Variants in PPEF1 observed in about 807,000 individuals in gnomAD.
PPEF1 encodes the protein protein phosphatase with EF-hand domain 1.
Under a neutral mutation model 53.3 loss-of-function variants are expected in PPEF1, and 12 were observed. That is an observed-to-expected ratio of 0.23 (90% CI 0.14 to 0.36). The LOEUF is 0.36. Among genes scored for constraint, PPEF1 ranks in the 10% least tolerant of loss-of-function variants. The pLI is 1.00. For missense variants in PPEF1, 334 were observed against 490.4 expected, an observed-to-expected ratio of 0.68 and a Z score of 3.01; for synonymous variants, 165 against 176.7, an observed-to-expected ratio of 0.93 and a Z score of 0.52.
At chrX:18,777,483 T>C (rs937113125) in intron 6 of PPEF1, among the ~76,000 whole-genome samples, 7 of 112,158 alleles carry the variant, frequency 6.2e-5, no homozygotes, top group Non-Finnish European at 1.3e-4. Flanking sequence ...AAGGTAGCCA[T>C]TTTGTTTTTC....
At chrX:18,783,859 C>T in intron 8 of PPEF1, 40 bp from the exon 9 acceptor site, 2 of 1,175,033 alleles carry the variant, frequency 1.7e-6, no homozygotes, top group Non-Finnish European at 2.3e-6. Flanking sequence ...TAAACTGAAC[C>T]TGTCAGAAAA....
At chrX:18,798,642 G>C (rs2046481034) in intron 10 of PPEF1, among the ~76,000 whole-genome samples, 1 of 110,087 alleles carries the variant, frequency 9.1e-6, no homozygotes, top group Admixed American at 9.7e-5. Context: ...CTTTTTTTTT[G>C]AGATGGAGTC....
chrX:18,821,502 G>A (rs1431749106), intron 13 of PPEF1, among the ~76,000 whole-genome samples: 2 of 110,974 alleles, frequency 1.8e-5, no homozygotes, highest in Non-Finnish European at 3.8e-5. Flanking sequence ...CCGCCTACCA[G>A]GTTAAAGCAA....
chrX:18,717,470 C>T (rs946322778), intron 1 of PPEF1, among the ~76,000 whole-genome samples: 22 of 110,116 alleles, frequency 2.0e-4, no homozygotes, highest in Non-Finnish European at 3.4e-4. Context: ...CAGTTCCTCT[C>T]GTCTCTCTCC....
chrX:18,826,485 A>G (rs1423657067), intron 15 of PPEF1, among the ~76,000 whole-genome samples: 10 of 83,783 alleles, frequency 1.2e-4, no homozygotes, highest in Admixed American at 1.7e-4. Context: ...CTGGAGTGCA[A>G]TGGCGGGATC....
intron 6 of PPEF1, among the ~76,000 whole-genome samples, chrX:18,701,396 C>T (rs1930109040): frequency 8.9e-6 from 1 of 112,354 alleles, no homozygotes; most frequent in South Asian, 3.7e-4. Context: ...CATGGCCCCT[C>T]CTAACTCATC....
intron 12 of PPEF1, among the ~76,000 whole-genome samples, chrX:18,813,447 G>C (rs1171759883): frequency 9.2e-6 from 1 of 108,753 alleles, no homozygotes; most frequent in Non-Finnish European, 1.9e-5. Flanking sequence ...TAACTTGTTA[G>C]TTTTAATCTT....
chrX:18,683,739 G>T, intron 1 of PPEF1, among the ~76,000 whole-genome samples: 1 of 111,677 alleles, frequency 9.0e-6, no homozygotes, highest in Non-Finnish European at 1.9e-5. Flanking sequence ...CCCCCCTTTT[G>T]CCCATAGTTC....
At chrX:18,725,097 C>T (rs962418990) in intron 1 of PPEF1, among the ~76,000 whole-genome samples, 10 of 110,892 alleles carry the variant, frequency 9.0e-5, no homozygotes, top group African/African-American at 3.3e-4. Flanking sequence ...CTAATGACGG[C>T]GTGCGTTGGA....
intron 3 of PPEF1, among the ~76,000 whole-genome samples, chrX:18,743,607 G>A (rs1420462731): frequency 3.7e-5 from 4 of 108,323 alleles, no homozygotes; most frequent in East Asian, 2.9e-4. Flanking sequence ...GTGCCACCAC[G>A]CCTGGCTAAT....
In PPEF1 at chrX:18,789,239, C is replaced by T. The variant is rs1920294992; in HGVS notation, c.1031C>T (p.Pro344Leu). The T allele has an allele frequency of 8.3e-7, 1 of 1,209,630 alleles. No individual in the cohort carries two copies. ...AHGRIKTNGS[P>L]TEHLTEHEWE... ...GGAAGAATCAAAACAAATGGATCTCCTACTGAACACTTAACAGAGCATGAA... is the reference window on the plus strand; with the variant it reads ...GGAAGAATCAAAACAAATGGATCTCTTACTGAACACTTAACAGAGCATGAA... The change falls in exon 10 of 16, where the codon CCT becomes CTT. Residue 344 changes from proline (P) to leucine (L), a missense_variant. Pro to Leu is a moderately conservative substitution (Grantham distance 98). Transcript: ENST00000470157.
At chrX:18,798,950 G>A (rs1296675572) in intron 10 of PPEF1, among the ~76,000 whole-genome samples, 2 of 111,107 alleles carry the variant, frequency 1.8e-5, no homozygotes, top group East Asian at 5.9e-4. Context: ...AAAATGACAT[G>A]GTCTAGGCCA....
At chrX:18,821,179 C>T (rs1320464445) in intron 13 of PPEF1, among the ~76,000 whole-genome samples, 3 of 100,581 alleles carry the variant, frequency 3.0e-5, no homozygotes, top group Non-Finnish European at 2.0e-5. Flanking sequence ...GCCGAGATTG[C>T]GCCACTGCAC....
At chrX:18,768,259 T>C (rs1359463436) in intron 6 of PPEF1, among the ~76,000 whole-genome samples, 1 of 112,638 alleles carries the variant, frequency 8.9e-6, no homozygotes, top group East Asian at 2.8e-4. Flanking sequence ...GTTTATGTTA[T>C]ACTATGACTA....
intron 12 of PPEF1, among the ~76,000 whole-genome samples, chrX:18,811,287 A>G (rs12014481): frequency 0.032 from 3,532 of 110,953 alleles, 146 homozygotes; most frequent in African/African-American, 0.11. Context: ...TCCTGACCTC[A>G]GGTGATTTGC....
At chrX:18,748,121 A>T (rs2045366998) in intron 3 of PPEF1, among the ~76,000 whole-genome samples, 1 of 112,011 alleles carries the variant, frequency 8.9e-6, no homozygotes, top group African/African-American at 3.2e-5. Flanking sequence ...TAATTAAGTT[A>T]TTCTTAAATC....
chrX:18,808,212 G>A (rs749322282), intron 12 of PPEF1, among the ~76,000 whole-genome samples: 3 of 108,971 alleles, frequency 2.8e-5, no homozygotes, highest in South Asian at 4.0e-4. Context: ...TGATCCGCCC[G>A]CCTCAGCTTC....
At position 18,724,635 on chromosome X, in the gene PPEF1, C is replaced by T. The variant is rs186268515; in HGVS notation, c.47-5546C>T. ...GCATGCATTTATTTATTCATTCGTT[C>T]GTTCATTTATTCTGCATGGAATCAA... On this transcript the variant is annotated intron_variant, in intron 1 of 15. Transcript: ENST00000470157. 2.0e-3 allele frequency among the ~76,000 whole-genome samples: 218 copies of T among 111,707 alleles called. 2 individuals carry two copies. Among genetic ancestry groups the T allele is most frequent in the Admixed American group, 4.8e-3 (50 of 10,503 alleles).
At chrX:18,781,075 G>C (rs1286550592) in intron 7 of PPEF1, among the ~76,000 whole-genome samples, 66 of 90,432 alleles carry the variant, frequency 7.3e-4, no homozygotes, top group Non-Finnish European at 1.2e-3. Flanking sequence ...AAAAAAGGGT[G>C]GGGGGAGGGA....
Sources: gnomAD v4.1 joint callset for allele counts (sites outside exome capture counted in the v4.1 genomes callset) on GRCh38, gnomAD v4.1.1 for gene constraint, MANE v1.5 for transcripts, NCBI Gene and HGNC (gene_info 2026-07-23, HGNC 2026-07-21) for gene names.